Variants in SLC24A2 observed in about 807,000 individuals in gnomAD.
The protein encoded by SLC24A2 is sodium/potassium/calcium exchanger 2.
SLC24A2 carries 36 observed loss-of-function variants against 62.0 expected under a neutral mutation model. That is an observed-to-expected ratio of 0.58 (90% CI 0.44 to 0.77). The LOEUF is 0.77. SLC24A2 is among the 30% of genes least tolerant of loss of function. The probability of loss-of-function intolerance (pLI) is 0.00; values close to 1 mark genes in which losing one functional copy is unlikely to be tolerated. For missense variants in SLC24A2, 846 were observed against 817.9 expected, an observed-to-expected ratio of 1.03 and a Z score of -0.42; for synonymous variants, 358 against 294.0, an observed-to-expected ratio of 1.22 and a Z score of -2.23.
the SLC24A2 span, among the ~76,000 whole-genome samples, chr9:20,024,691 C>T: frequency 0.023 from 3,503 of 152,092 alleles, 132 homozygotes; most frequent in African/African-American, 0.079. Flanking sequence ...CTTGTGTGTG[C>T]GTGTCCAGCT....
At chr9:20,244,200 A>C in the SLC24A2 span, among the ~76,000 whole-genome samples, 5 of 152,218 alleles carry the variant, frequency 3.3e-5, no homozygotes, top group Admixed American at 6.5e-5. Flanking sequence ...TAAAAAAGAA[A>C]AGAAAATATA....
chr9:20,227,882 A>G, the SLC24A2 span, among the ~76,000 whole-genome samples: 7 of 152,170 alleles, frequency 4.6e-5, no homozygotes, highest in Non-Finnish European at 8.8e-5. Flanking sequence ...TTTCTTCCCA[A>G]AGGAAATGTA....
At chr9:19,774,416 T>C (rs987614160) in intron 2 of SLC24A2, among the ~76,000 whole-genome samples, 2 of 152,198 alleles carry the variant, frequency 1.3e-5, no homozygotes, top group African/African-American at 4.8e-5. Flanking sequence ...AATTTCATTG[T>C]GTTAACCTTT....
At chr9:19,807,738 A>G in the SLC24A2 span, among the ~76,000 whole-genome samples, 2 of 152,158 alleles carry the variant, frequency 1.3e-5, no homozygotes, top group African/African-American at 2.4e-5. Context: ...AAACGAAACT[A>G]TTGCCCTGTG....
the SLC24A2 span, among the ~76,000 whole-genome samples, chr9:20,164,112 A>G: frequency 2.5e-4 from 38 of 152,354 alleles, no homozygotes; most frequent in African/African-American, 9.1e-4. Context: ...CAATGGCAAC[A>G]AAAGCCAAAA....
intron 2 of SLC24A2, among the ~76,000 whole-genome samples, chr9:19,709,916 TA>T (rs1044851143): frequency 6.6e-6 from 1 of 151,628 alleles, no homozygotes; most frequent in Non-Finnish European, 1.5e-5. Context: ...TAAAATAAAA[TA>T]AAAAAAGAAA....
chr9:19,978,099 C>T, the SLC24A2 span, among the ~76,000 whole-genome samples: 1 of 152,120 alleles, frequency 6.6e-6, no homozygotes, highest in Non-Finnish European at 1.5e-5. Flanking sequence ...TTGCAGAGAA[C>T]AAGAGATTTT....
chr9:19,628,027 T>C (rs756837502), intron 2 of SLC24A2, among the ~76,000 whole-genome samples: 26 of 152,224 alleles, frequency 1.7e-4, no homozygotes, highest in African/African-American at 2.9e-4. Context: ...TCTCACAGAA[T>C]TGACAAGCTA....
intron 2 of SLC24A2, among the ~76,000 whole-genome samples, chr9:19,741,499 A>C (rs1821677507): frequency 6.6e-6 from 1 of 152,172 alleles, no homozygotes; most frequent in Admixed American, 6.6e-5. Flanking sequence ...GTACCAGCTG[A>C]GCAGCTCCCT....
chr9:20,146,570 T>C, the SLC24A2 span, among the ~76,000 whole-genome samples: 599 of 152,222 alleles, frequency 3.9e-3, 4 homozygotes, highest in African/African-American at 0.013. Context: ...CAGTAAACTC[T>C]CTGCCAGTCT....
chr9:20,270,045 G>T, the SLC24A2 span, among the ~76,000 whole-genome samples: 6 of 152,190 alleles, frequency 3.9e-5, no homozygotes, highest in Admixed American at 3.9e-4. Flanking sequence ...TGTGAAGAGG[G>T]AAGACTGGAG....
the SLC24A2 span, among the ~76,000 whole-genome samples, chr9:20,237,142 T>C: frequency 6.6e-6 from 1 of 152,222 alleles, no homozygotes; most frequent in Admixed American, 6.5e-5. Flanking sequence ...TGCTTCTTTG[T>C]GAAACTGTGA....
the SLC24A2 span, among the ~76,000 whole-genome samples, chr9:20,036,988 C>T: frequency 2.6e-5 from 4 of 152,012 alleles, no homozygotes; most frequent in African/African-American, 9.7e-5. Flanking sequence ...CTCTGCCACC[C>T]AGGTTCAAGA....
At chr9:20,228,612 G>T in the SLC24A2 span, among the ~76,000 whole-genome samples, 13 of 152,084 alleles carry the variant, frequency 8.5e-5, no homozygotes, top group Non-Finnish European at 1.5e-5. Flanking sequence ...CTCTGCTATT[G>T]CCCTAAGAGA....
the SLC24A2 span, among the ~76,000 whole-genome samples, chr9:19,804,044 A>G: frequency 6.6e-6 from 1 of 152,192 alleles, no homozygotes; most frequent in South Asian, 2.1e-4. Context: ...GTTGTGGAAA[A>G]ATAGTGAAGC....
the SLC24A2 span, among the ~76,000 whole-genome samples, chr9:20,063,489 T>C: frequency 1.0e-5 from 1 of 98,262 alleles, no homozygotes; most frequent in African/African-American, 4.1e-5. Context: ...CTGGGGACTG[T>C]TGTGGGGTGG....
At chr9:19,530,126 G>C (rs947639137) in intron 8 of SLC24A2, among the ~76,000 whole-genome samples, 2 of 144,964 alleles carry the variant, frequency 1.4e-5, no homozygotes, top group Admixed American at 7.0e-5. Flanking sequence ...GGATTCTGGA[G>C]ACCGAATTCC....
the SLC24A2 span, among the ~76,000 whole-genome samples, chr9:20,036,846 ATG>A: frequency 9.2e-5 from 14 of 151,888 alleles, no homozygotes; most frequent in African/African-American, 2.9e-4. Flanking sequence ...GTGTATATAT[ATG>A]TGTGTGTGTA....
At chr9:20,096,687 A>G in the SLC24A2 span, among the ~76,000 whole-genome samples, 1 of 152,062 alleles carries the variant, frequency 6.6e-6, no homozygotes, top group African/African-American at 2.4e-5. Context: ...TTAGAAAGAT[A>G]CTTTTCTTCT....
Sources: allele counts gnomAD v4.1 joint callset (sites outside exome capture counted in the v4.1 genomes callset), GRCh38; gene constraint gnomAD v4.1.1; transcripts MANE v1.5; gene names NCBI Gene and HGNC (gene_info 2026-07-23, HGNC 2026-07-21).